SLC44A1: variants seen among roughly 807,000 people sequenced by gnomAD.
SLC44A1 encodes the protein solute carrier family 44 member 1, also known as choline transporter-like protein 1.
SLC44A1 carries 26 observed loss-of-function variants against 79.3 expected under a neutral mutation model. That is an observed-to-expected ratio of 0.33 (90% CI 0.24 to 0.46). The LOEUF is 0.46. SLC44A1 is among the 20% of genes least tolerant of loss of function. SLC44A1 has a pLI of 1.00. For synonymous variants in SLC44A1, 263 were observed against 286.2 expected (o/e 0.92, Z 0.82); for missense variants, 688 against 798.1 (o/e 0.86, Z 1.66).
rs117301979 is a variant in SLC44A1, at chr9:105,437,026, G to A, written c.1951-1255G>A. Among the ~76,000 whole-genome samples the A allele has an allele frequency of 4.2e-3, 639 of 152,170 alleles. 3 individuals are homozygous for A. Among genetic ancestry groups the A allele is most frequent in the Non-Finnish European group, 6.3e-3 (429 of 67,994 alleles). On this transcript the variant is annotated intron_variant, in intron 15 of 15. Transcript: ENST00000374724. The stretch of plus-strand genomic sequence containing the variant: ...CATCTTGTGGTTAGGACTGTATCTC[G>A]TTACTTCTGCTTATCCTGCAGTGGC...
At chr9:105,419,818 A>T (rs1465179814) in intron 15 of SLC44A1, among the ~76,000 whole-genome samples, 3 of 151,254 alleles carry the variant, frequency 2.0e-5, no homozygotes, top group Admixed American at 1.3e-4. Flanking sequence ...GGAGGCTGAG[A>T]CAGGAGAATC....
In SLC44A1 at chr9:105,389,366, C is replaced by T. The variant is rs1588861276; in HGVS notation, c.*310C>T. ...AATGTTAAAATTCATATCTGATTAA[C>T]ATTTTTAATAACTTAGAGGAGATTT... On this transcript the variant is annotated 3_prime_UTR_variant, in exon 16 of 16. Transcript: ENST00000374720. 1 of 1,088,994 alleles carries T rather than the reference C, an allele frequency of 9.2e-7. No homozygotes were observed. Among genetic ancestry groups the T allele is most frequent in the Non-Finnish European group, 1.1e-6 (1 of 895,984 alleles). The allele number at this position is 1,088,994 out of a possible 1,614,324, so 67.5% of individuals were successfully genotyped here.
chr9:105,295,597 C>T (rs950549251), intron 1 of SLC44A1, among the ~76,000 whole-genome samples: 11 of 152,232 alleles, frequency 7.2e-5, no homozygotes, highest in Admixed American at 7.2e-4. Context: ...TAACACATCT[C>T]ACTTGCTTTC....
intron 4 of SLC44A1, among the ~76,000 whole-genome samples, chr9:105,340,777 G>A (rs1827063447): frequency 6.6e-6 from 1 of 152,134 alleles, no homozygotes; most frequent in Non-Finnish European, 1.5e-5. Context: ...ATTACCTCTA[G>A]AAATTAAAGG....
chr9:105,376,314 T>TAC (rs33933201), intron 13 of SLC44A1, among the ~76,000 whole-genome samples: 1,886 of 139,150 alleles, frequency 0.014, 35 homozygotes, highest in Middle Eastern at 0.018. Flanking sequence ...TATATATGTA[T>TAC]ACACACACAC....
chr9:105,413,522 G>A (rs1020638278), intron 15 of SLC44A1, among the ~76,000 whole-genome samples: 4 of 152,184 alleles, frequency 2.6e-5, no homozygotes, highest in African/African-American at 9.7e-5. Flanking sequence ...GACCAAAGAT[G>A]GCAGAACCAA....
intron 3 of SLC44A1, among the ~76,000 whole-genome samples, chr9:105,319,724 A>G (rs770483076): frequency 1.3e-5 from 2 of 152,232 alleles, no homozygotes; most frequent in African/African-American, 4.8e-5. Context: ...AGGCTTAGAA[A>G]TTAACTCCCA....
At chr9:105,247,549 G>A (rs1165885018) in intron 1 of SLC44A1, among the ~76,000 whole-genome samples, 1 of 152,204 alleles carries the variant, frequency 6.6e-6, no homozygotes, top group Admixed American at 6.5e-5. Context: ...TACCCACCTC[G>A]GCCTCCCAAA....
chr9:105,298,589 A>T (rs1484105223), intron 1 of SLC44A1, among the ~76,000 whole-genome samples: 1 of 152,134 alleles, frequency 6.6e-6, no homozygotes, highest in African/African-American at 2.4e-5. Context: ...ACCTCAGGTG[A>T]TCTGCCCGCC....
At chr9:105,291,029 T>A (rs1466336855) in intron 1 of SLC44A1, among the ~76,000 whole-genome samples, 2 of 152,180 alleles carry the variant, frequency 1.3e-5, no homozygotes, top group African/African-American at 4.8e-5. Flanking sequence ...GACAGAGCCT[T>A]CCCAAAGGAC....
At chr9:105,372,809 G>C (rs1398178892) in intron 12 of SLC44A1, among the ~76,000 whole-genome samples, 1 of 147,336 alleles carries the variant, frequency 6.8e-6, no homozygotes, top group East Asian at 2.1e-4. Context: ...AATTAGCCGG[G>C]CGTAGTGGCG....
intron 1 of SLC44A1, among the ~76,000 whole-genome samples, chr9:105,276,132 G>A (rs328010): frequency 0.14 from 21,293 of 152,052 alleles, 1,968 homozygotes; most frequent in African/African-American, 0.26. Flanking sequence ...AGTCACCAGG[G>A]CGTCTGACAA....
intron 1 of SLC44A1, among the ~76,000 whole-genome samples, chr9:105,273,680 G>GT (rs553039659): frequency 1.7e-3 from 250 of 147,280 alleles, no homozygotes; most frequent in African/African-American, 4.3e-3. Context: ...TATTGTCTGA[G>GT]TTTTTTTTTT....
intron 1 of SLC44A1, among the ~76,000 whole-genome samples, chr9:105,287,741 C>T (rs570769622): frequency 1.3e-5 from 2 of 152,260 alleles, no homozygotes; most frequent in East Asian, 3.9e-4. Context: ...GGTTTGTGTT[C>T]CTTTCCCTCT....
intron 3 of SLC44A1, among the ~76,000 whole-genome samples, chr9:105,329,027 G>A (rs1008955443): frequency 6.6e-6 from 1 of 152,088 alleles, no homozygotes; most frequent in South Asian, 2.1e-4. Context: ...CCCAACACCA[G>A]CCCCTCTGGA....
At chr9:105,388,116 C>G (rs2131476240) in intron 15 of SLC44A1, among the ~76,000 whole-genome samples, 1 of 152,186 alleles carries the variant, frequency 6.6e-6, no homozygotes, top group East Asian at 1.9e-4. Context: ...GCATTGGGTC[C>G]CTAAGAATGA....
In SLC44A1 at chr9:105,385,483, C is replaced by G. The variant is rs763129667; in HGVS notation, c.1931C>G (p.Ser644Cys). 7 of 1,579,298 alleles carry G rather than the reference C, an allele frequency of 4.4e-6. No individual in the cohort carries two copies. The East Asian group carries it at 1.1e-4, about 26-fold the overall frequency. Residue 644 changes from serine to cysteine, a missense_variant, in exon 15 of 16, where the codon TCC (serine) becomes TGC (cysteine). Ser to Cys is a moderately radical substitution (Grantham distance 112). Coordinates refer to ENST00000374720, the MANE Select transcript of SLC44A1 (RefSeq NM_080546.5). The stretch of plus-strand genomic sequence containing the variant: ...GCTGGTAAGGGAGGCGTCGCTGATT[C>G]CAGAGAGCTAAAGCCGATGGTAGGT... ...KEAGKGGVAD[S>C]RELKPMASGA...
At position 105,407,111 on chromosome 9, in the gene SLC44A1, A is replaced by T. The variant is rs1183882329; in HGVS notation, c.1950+21609A>T. Among the ~76,000 whole-genome samples the T allele has an allele frequency of 5.9e-5, 9 of 152,146 alleles. 1 individual carries two copies. Among genetic ancestry groups the T allele is most frequent in the Admixed American group, 5.9e-4 (9 of 15,270 alleles). On this transcript the variant is annotated intron_variant, in intron 15 of 15. Transcript: ENST00000374724. ...AAAAAGAAAAGAGTGAAGAAAACTG[A>T]ACAGAGCCTAGGAGACCTGTGGGAT...
At chr9:105,408,630 C>G (rs1183618184) in intron 15 of SLC44A1, among the ~76,000 whole-genome samples, 1 of 152,106 alleles carries the variant, frequency 6.6e-6, no homozygotes, top group Non-Finnish European at 1.5e-5. Flanking sequence ...AGGCTGGTCT[C>G]GAACTCCTGA....
Sources: allele counts gnomAD v4.1 joint callset (sites outside exome capture counted in the v4.1 genomes callset), GRCh38; gene constraint gnomAD v4.1.1; transcripts MANE v1.5; gene names NCBI Gene and HGNC (gene_info 2026-07-23, HGNC 2026-07-21).